SCUBE1: variants seen among roughly 807,000 people sequenced by gnomAD.
SCUBE1 encodes the protein signal peptide, CUB domain and EGF like domain containing 1, also known as signal peptide, CUB and EGF-like domain-containing protein 1.
A neutral mutation model predicts 124.4 loss-of-function variants in SCUBE1; 59 were observed. The ratio of observed to expected loss-of-function variants is 0.47; its 90% CI spans 0.38 to 0.59. SCUBE1 has a LOEUF of 0.59. SCUBE1 is among the 20% of genes least tolerant of loss of function. SCUBE1 has a pLI of 0.00. For missense variants in SCUBE1, 1,150 were observed against 1,371.2 expected, an observed-to-expected ratio of 0.84 and a Z score of 2.55; for synonymous variants, 545 against 550.9, an observed-to-expected ratio of 0.99 and a Z score of 0.15.
intron 4 of SCUBE1, among the ~76,000 whole-genome samples, chr22:43,285,478 G>A (rs1408313645): frequency 2.0e-5 from 3 of 152,140 alleles, no homozygotes; most frequent in Non-Finnish European, 2.9e-5. Flanking sequence ...GCAGGGACAC[G>A]AGCACCATGA....
At chr22:43,227,664 G>C (rs541903910) in intron 9 of SCUBE1, among the ~76,000 whole-genome samples, 168 bp from the exon 10 acceptor site, 7 of 152,218 alleles carry the variant, frequency 4.6e-5, no homozygotes, top group African/African-American at 1.7e-4. Context: ...CACACGCGTG[G>C]GTTTATAAGG....
chr22:43,217,338 C>G (rs570837622), intron 15 of SCUBE1, among the ~76,000 whole-genome samples: 3 of 151,096 alleles, frequency 2.0e-5, no homozygotes, highest in Non-Finnish European at 2.9e-5. Flanking sequence ...GCAGCCCACT[C>G]TTCATCAAGT....
chr22:43,209,349 C>G (rs181792594), intron 19 of SCUBE1, among the ~76,000 whole-genome samples: 1 of 152,184 alleles, frequency 6.6e-6, no homozygotes. Context: ...ACCCACAGCC[C>G]GACAGCAGCG....
intron 4 of SCUBE1, among the ~76,000 whole-genome samples, chr22:43,290,760 G>C (rs866242582): frequency 6.6e-6 from 1 of 152,242 alleles, no homozygotes; most frequent in Non-Finnish European, 1.5e-5. Flanking sequence ...GCCACAGCCA[G>C]CCCCCAACTC....
intron 4 of SCUBE1, among the ~76,000 whole-genome samples, chr22:43,285,047 T>C (rs1284944126): frequency 1.3e-5 from 2 of 152,180 alleles, no homozygotes; most frequent in East Asian, 1.9e-4. Context: ...CATGCAGTCC[T>C]TGCGGGGAGA....
At chr22:43,250,725 C>T (rs1923409996) in intron 6 of SCUBE1, among the ~76,000 whole-genome samples, 1 of 152,130 alleles carries the variant, frequency 6.6e-6, no homozygotes, top group South Asian at 2.1e-4. Context: ...CCAGAGGGAG[C>T]TCAGGCTGAG....
At chr22:43,253,294 C>T (rs571010337) in intron 6 of SCUBE1, among the ~76,000 whole-genome samples, 1 of 152,334 alleles carries the variant, frequency 6.6e-6, no homozygotes, top group South Asian at 2.1e-4. Context: ...GAATGATGAG[C>T]TCGTGAGAGA....
chr22:43,240,831 C>T (rs967258297), intron 6 of SCUBE1, among the ~76,000 whole-genome samples: 1 of 152,218 alleles, frequency 6.6e-6, no homozygotes, highest in Admixed American at 6.5e-5. Context: ...GTGCTCCCCT[C>T]CTGCCTTCTC....
At chr22:43,316,111 T>C (rs568441373) in intron 3 of SCUBE1, among the ~76,000 whole-genome samples, 58 of 152,244 alleles carry the variant, frequency 3.8e-4, no homozygotes, top group Admixed American at 4.6e-4. Flanking sequence ...GCTGGTTACA[T>C]GTTGAATATT....
intron 4 of SCUBE1, among the ~76,000 whole-genome samples, chr22:43,263,294 C>A (rs898510525): frequency 6.6e-6 from 1 of 152,192 alleles, no homozygotes; most frequent in Non-Finnish European, 1.5e-5. Context: ...GCTCATACCC[C>A]CTTCCGTTGA....
At chr22:43,244,267 G>C (rs1287267144) in intron 6 of SCUBE1, among the ~76,000 whole-genome samples, 1 of 152,194 alleles carries the variant, frequency 6.6e-6, no homozygotes, top group African/African-American at 2.4e-5. Context: ...GGCCCCACCT[G>C]CCTCCCCGAA....
At chr22:43,284,460 C>T (rs1182688045) in intron 4 of SCUBE1, among the ~76,000 whole-genome samples, 1 of 152,228 alleles carries the variant, frequency 6.6e-6, no homozygotes, top group East Asian at 1.9e-4. Flanking sequence ...TCAGGCCCCG[C>T]CTGAGTCTCA....
In SCUBE1 at chr22:43,314,462, C is replaced by A. The variant is rs1027950962; in HGVS notation, c.349+5475G>T. Among the ~76,000 whole-genome samples, 16 of 152,208 alleles carry A rather than the reference C, an allele frequency of 1.1e-4. No homozygotes were observed. The South Asian group carries it at 1.2e-3, about 12-fold the overall frequency. Reference sequence around the variant, plus strand: ...CACTTTGGGGGTCCCTGTTCTGCCTCTCCTGTGGCTGCAGCAGCACCCCCC... The same window carrying A: ...CACTTTGGGGGTCCCTGTTCTGCCTATCCTGTGGCTGCAGCAGCACCCCCC... On this transcript the variant is annotated intron_variant, in intron 3 of 21. Transcript: ENST00000360835.
intron 4 of SCUBE1, chr22:43,282,498 G>A (rs1456112177): frequency 6.6e-6 from 1 of 152,074 alleles, no homozygotes; most frequent in Non-Finnish European, 1.5e-5. Context: ...GTCCACCAAG[G>A]TCTGGGCCCA....
At chr22:43,219,537 G>A (rs1295212300) in intron 14 of SCUBE1, among the ~76,000 whole-genome samples, 3 of 151,554 alleles carry the variant, frequency 2.0e-5, no homozygotes, top group Non-Finnish European at 2.9e-5. Context: ...ACAGTGGCGC[G>A]ATCTCAGCTC....
At position 43,234,493 on chromosome 22, in the gene SCUBE1, G is replaced by C. The variant is rs1922679019; in HGVS notation, c.845-2618C>G. Among the ~76,000 whole-genome samples the C allele has an allele frequency of 6.6e-6, 1 of 152,188 alleles. No homozygotes were observed. The highest frequency in any genetic ancestry group is 2.4e-5 in the African/African-American group (1 of 41,440). On this transcript the variant is annotated intron_variant, in intron 7 of 21. Coordinates refer to ENST00000360835, the MANE Select transcript of SCUBE1 (RefSeq NM_173050.5). The surrounding 1 kb of genome is among the most constrained non-coding windows in gnomAD (Gnocchi z 4.4). ...TGCCCCATCTGGGCCTGTCTGCTAA[G>C]GGGCTGTCATAGCAACCAGACAGGC...
intron 3 of SCUBE1, among the ~76,000 whole-genome samples, chr22:43,294,971 T>C (rs1014633955): frequency 2.0e-5 from 3 of 152,188 alleles, no homozygotes; most frequent in Non-Finnish European, 4.4e-5. Flanking sequence ...GGGGGCATTA[T>C]TCTTATTATC....
chr22:43,342,655 C>G (rs1049547749), intron 1 of SCUBE1, among the ~76,000 whole-genome samples: 1 of 151,996 alleles, frequency 6.6e-6, no homozygotes, highest in Non-Finnish European at 1.5e-5. Context: ...TCCTCTCTAC[C>G]CTTCCGCATC....
chr22:43,209,793 T>C (rs980861431), intron 19 of SCUBE1, among the ~76,000 whole-genome samples: 1 of 152,178 alleles, frequency 6.6e-6, no homozygotes, highest in African/African-American at 2.4e-5. Context: ...GGCCTGACCA[T>C]GTCCCAGCAT....
Sources: allele counts gnomAD v4.1 joint callset (sites outside exome capture counted in the v4.1 genomes callset), GRCh38; gene constraint gnomAD v4.1.1; non-coding constraint Gnocchi (gnomAD v3.1); transcripts MANE v1.5; gene names NCBI Gene and HGNC (gene_info 2026-07-23, HGNC 2026-07-21).